Variants in RUNX1T1 observed in about 807,000 individuals in gnomAD.
RUNX1T1 encodes the protein protein CBFA2T1.
In RUNX1T1, 4 loss-of-function variants were observed where a neutral mutation model predicts 62.8. The observed-to-expected ratio is 0.06, with a 90% CI of 0.03 to 0.15. The LOEUF (loss-of-function observed/expected upper bound fraction) is 0.15. Ranked by LOEUF, RUNX1T1 falls within the 10% of genes least tolerant of loss-of-function variation. RUNX1T1 has a pLI of 1.00. For missense variants in RUNX1T1, 508 were observed against 754.3 expected (o/e 0.67, Z 3.82); for synonymous variants, 291 against 286.0 (o/e 1.02, Z -0.18).
chr8:91,987,294 T>C (rs1348745085), intron 6 of RUNX1T1, among the ~76,000 whole-genome samples: 1 of 152,180 alleles, frequency 6.6e-6, no homozygotes, highest in African/African-American at 2.4e-5. Context: ...TAACTCTTAA[T>C]AAATACAAGA....
At chr8:92,021,880 T>C (rs1276449384) in intron 1 of RUNX1T1, among the ~76,000 whole-genome samples, 1 of 150,674 alleles carries the variant, frequency 6.6e-6, no homozygotes, top group Non-Finnish European at 1.5e-5. Flanking sequence ...TTTTCTGCCT[T>C]TCTTTTACTT....
upstream of RUNX1T1, among the ~76,000 whole-genome samples, chr8:92,102,389 CA>C (rs1431690721): frequency 1.4e-5 from 2 of 142,798 alleles, no homozygotes; most frequent in Non-Finnish European, 3.0e-5. The surrounding 1 kb of genome is among the most constrained non-coding windows in gnomAD (Gnocchi z 4.5). Flanking sequence ...ACCATCAAAA[CA>C]AGTCTTTGCT....
upstream of RUNX1T1, among the ~76,000 whole-genome samples, chr8:92,067,655 G>A (rs1833063079): frequency 6.6e-6 from 1 of 152,120 alleles, no homozygotes; most frequent in South Asian, 2.1e-4. Flanking sequence ...AACTCTGGTT[G>A]AAGTACAATG....
chr8:92,029,919 C>T (rs574016120), intron 1 of RUNX1T1, among the ~76,000 whole-genome samples: 1 of 152,230 alleles, frequency 6.6e-6, no homozygotes, highest in African/African-American at 2.4e-5. Context: ...TTAAAAATCA[C>T]TACACTCAAG....
At chr8:92,058,465 G>A (rs1351996170) in intron 1 of RUNX1T1, among the ~76,000 whole-genome samples, 4 of 152,172 alleles carry the variant, frequency 2.6e-5, no homozygotes, top group African/African-American at 4.8e-5. Flanking sequence ...GAAAGCATAC[G>A]ATGAGAGCGA....
intron 4 of RUNX1T1, chr8:92,009,679 A>C (rs150656295): frequency 6.6e-6 from 1 of 151,830 alleles, no homozygotes; most frequent in Non-Finnish European, 1.5e-5. Flanking sequence ...ATCTTTACAG[A>C]AAACAACGCT....
intron 1 of RUNX1T1, among the ~76,000 whole-genome samples, chr8:92,090,474 C>A (rs995277204): frequency 6.6e-6 from 1 of 152,062 alleles, no homozygotes; most frequent in South Asian, 2.1e-4. Flanking sequence ...ATCCTCATGG[C>A]CTCAGTGCAG....
intron 1 of RUNX1T1, among the ~76,000 whole-genome samples, chr8:92,023,306 A>C (rs1263585535): frequency 6.6e-6 from 1 of 152,148 alleles, no homozygotes; most frequent in African/African-American, 2.4e-5. Context: ...GCAAATACTA[A>C]TATTCTCTGG....
chr8:92,078,036 TAAC>T (rs768983380), intron 1 of RUNX1T1, among the ~76,000 whole-genome samples: 26 of 152,280 alleles, frequency 1.7e-4, no homozygotes, highest in East Asian at 1.5e-3. Flanking sequence ...AACATGGTGA[TAAC>T]AAAGTATTTT....
intron 1 of RUNX1T1, among the ~76,000 whole-genome samples, chr8:92,029,225 T>G (rs935348199): frequency 2.6e-5 from 4 of 152,164 alleles, no homozygotes; most frequent in Non-Finnish European, 4.4e-5. Flanking sequence ...GTCTTTACAT[T>G]ATAGGCAATG....
chr8:92,043,295 C>T (rs1313490558), intron 1 of RUNX1T1, among the ~76,000 whole-genome samples: 2 of 151,890 alleles, frequency 1.3e-5, no homozygotes, highest in African/African-American at 4.8e-5. Context: ...ATGAGATATC[C>T]TCAAGTGTCC....
chr8:91,978,496 A>G (rs1814479876), intron 8 of RUNX1T1, among the ~76,000 whole-genome samples: 1 of 152,276 alleles, frequency 6.6e-6, no homozygotes, highest in South Asian at 2.1e-4. Flanking sequence ...TTTTCTCTCA[A>G]TGTTAAAAAT....
intron 1 of RUNX1T1, chr8:92,019,099 A>G (rs1823584436): frequency 6.6e-6 from 1 of 152,226 alleles, no homozygotes; most frequent in Non-Finnish European, 1.5e-5. Flanking sequence ...CTTCTTCAAC[A>G]GTTAAATTCA....
At chr8:91,981,322 A>G (rs1263068677) in intron 8 of RUNX1T1, among the ~76,000 whole-genome samples, 2 of 150,874 alleles carry the variant, frequency 1.3e-5, no homozygotes, top group Non-Finnish European at 3.0e-5. Flanking sequence ...GCCAGCTAGC[A>G]GTATTTTAAA....
intron 2 of RUNX1T1, among the ~76,000 whole-genome samples, chr8:92,068,568 G>A (rs556074042): frequency 1.3e-4 from 20 of 152,138 alleles, no homozygotes; most frequent in Non-Finnish European, 2.2e-4. Flanking sequence ...CTGCTTGTAC[G>A]CTTGCAACAA....
chr8:92,006,141 A>G (rs186969344), intron 4 of RUNX1T1: 1 of 152,330 alleles, frequency 6.6e-6, no homozygotes, highest in African/African-American at 2.4e-5. Context: ...TTCAAATGTA[A>G]TAAGAGAGAA....
chr8:92,014,049 A>G (rs1822508194), intron 3 of RUNX1T1, among the ~76,000 whole-genome samples: 1 of 152,150 alleles, frequency 6.6e-6, no homozygotes, highest in Non-Finnish European at 1.5e-5. Context: ...TTACCACAAT[A>G]AAAAATTTCA....
At chr8:91,991,261 T>C (rs546454134) in intron 6 of RUNX1T1, among the ~76,000 whole-genome samples, 2 of 151,940 alleles carry the variant, frequency 1.3e-5, no homozygotes, top group African/African-American at 4.8e-5. Context: ...CACAAGAAAA[T>C]CAAGTGATTT....
intron 8 of RUNX1T1, among the ~76,000 whole-genome samples, chr8:91,983,049 T>C (rs903344624): frequency 2.8e-5 from 4 of 145,062 alleles, no homozygotes; most frequent in African/African-American, 1.0e-4. Flanking sequence ...TGCCTCAGCC[T>C]CCCGAGTAGC....
Sources: gnomAD v4.1 joint callset for allele counts (sites outside exome capture counted in the v4.1 genomes callset) on GRCh38, gnomAD v4.1.1 for gene constraint, Gnocchi (gnomAD v3.1) non-coding constraint, MANE v1.5 for transcripts, NCBI Gene and HGNC (gene_info 2026-07-23, HGNC 2026-07-21) for gene names.